The following ABTB3 variants were observed in gnomAD, a reference collection of about 807,000 sequenced individuals.
The protein encoded by ABTB3 is ankyrin repeat and BTB domain containing 3, also known as ankyrin repeat- and BTB/POZ domain-containing protein 3.
the ABTB3 span, among the ~76,000 whole-genome samples, chr12:107,574,477 C>A: frequency 1.2e-4 from 18 of 152,302 alleles, no homozygotes; most frequent in South Asian, 3.7e-3. Context: ...AATCCCAGCT[C>A]TTTGGGAGGC....
chr12:107,571,146 G>A, the ABTB3 span, among the ~76,000 whole-genome samples: 1 of 152,106 alleles, frequency 6.6e-6, no homozygotes, highest in African/African-American at 2.4e-5. Flanking sequence ...ACCCTCAATA[G>A]TAGCTAAGTT....
chr12:107,482,957 TTTC>T, the ABTB3 span, among the ~76,000 whole-genome samples: 1 of 60,582 alleles, frequency 1.7e-5, no homozygotes, highest in African/African-American at 6.7e-5. Context: ...TCTTTCTTTC[TTTC>T]TTTCTTTCTT....
At chr12:107,405,470 T>C in the ABTB3 span, among the ~76,000 whole-genome samples, 2 of 151,902 alleles carry the variant, frequency 1.3e-5, no homozygotes, top group Non-Finnish European at 2.9e-5. Flanking sequence ...TACCCACATC[T>C]CCTTTCTATA....
the ABTB3 span, among the ~76,000 whole-genome samples, chr12:107,406,153 C>T: frequency 2.7e-3 from 416 of 152,290 alleles, 2 homozygotes; most frequent in Non-Finnish European, 4.5e-3. Flanking sequence ...TGTGATAGTA[C>T]CTGTCCCATG....
chr12:107,502,216 C>T, the ABTB3 span, among the ~76,000 whole-genome samples: 18 of 152,024 alleles, frequency 1.2e-4, no homozygotes, highest in African/African-American at 3.1e-4. Flanking sequence ...AGGTGCATGC[C>T]GCCTTGCCTG....
the ABTB3 span, among the ~76,000 whole-genome samples, chr12:107,380,201 G>T: frequency 6.6e-6 from 1 of 152,186 alleles, no homozygotes; most frequent in Non-Finnish European, 1.5e-5. Flanking sequence ...CTGGCCTGCT[G>T]CTTTGCGTTT....
the ABTB3 span, among the ~76,000 whole-genome samples, chr12:107,636,441 TG>T: frequency 6.6e-6 from 1 of 152,206 alleles, no homozygotes; most frequent in African/African-American, 2.4e-5. Context: ...CTAAGAAAAT[TG>T]AAGGACATCT....
chr12:107,574,267 G>T, the ABTB3 span, among the ~76,000 whole-genome samples: 1 of 152,114 alleles, frequency 6.6e-6, no homozygotes, highest in Non-Finnish European at 1.5e-5. Context: ...CTATTCCATT[G>T]TCTCCTGGAC....
chr12:107,617,286 T>C, the ABTB3 span: 4 of 1,614,106 alleles, frequency 2.5e-6, no homozygotes, highest in Non-Finnish European at 3.4e-6. Flanking sequence ...AAAACCCCCT[T>C]CTCTGGGCTT....
At chr12:107,345,267 GT>G in the ABTB3 span, among the ~76,000 whole-genome samples, 27 of 152,158 alleles carry the variant, frequency 1.8e-4, no homozygotes, top group Non-Finnish European at 4.4e-5. Context: ...TTACAAATAA[GT>G]AGACACCTTG....
At chr12:107,561,646 A>G in the ABTB3 span, among the ~76,000 whole-genome samples, 4 of 152,202 alleles carry the variant, frequency 2.6e-5, no homozygotes, top group South Asian at 8.3e-4. Context: ...TGTCCTCCAT[A>G]AAACTCAACA....
At chr12:107,363,855 T>C in the ABTB3 span, among the ~76,000 whole-genome samples, 2 of 152,240 alleles carry the variant, frequency 1.3e-5, no homozygotes, top group African/African-American at 2.4e-5. Context: ...TACAGGATAC[T>C]GATTAAGAGT....
chr12:107,606,741 A>G, the ABTB3 span, among the ~76,000 whole-genome samples: 2 of 152,204 alleles, frequency 1.3e-5, no homozygotes, highest in Non-Finnish European at 2.9e-5. Flanking sequence ...AGCCTCTTCC[A>G]GAATTGGATA....
At chr12:107,365,509 G>T in the ABTB3 span, among the ~76,000 whole-genome samples, 5 of 152,060 alleles carry the variant, frequency 3.3e-5, no homozygotes, top group Admixed American at 1.3e-4. Flanking sequence ...TAGATTATTT[G>T]GGTATCTTCT....
chr12:107,340,399 G>A, the ABTB3 span, among the ~76,000 whole-genome samples: 2 of 152,214 alleles, frequency 1.3e-5, no homozygotes, highest in Admixed American at 1.3e-4. Flanking sequence ...CTCACACTGT[G>A]CAGGGCTATG....
chr12:107,474,157 C>T, the ABTB3 span, among the ~76,000 whole-genome samples: 2 of 152,140 alleles, frequency 1.3e-5, no homozygotes, highest in South Asian at 2.1e-4. Context: ...TTGGTGACTG[C>T]GCCCAGTCCT....
At chr12:107,339,363 G>C in the ABTB3 span, among the ~76,000 whole-genome samples, 1 of 152,154 alleles carries the variant, frequency 6.6e-6, no homozygotes, top group African/African-American at 2.4e-5. Flanking sequence ...GAAAAGATGA[G>C]GACTGCCCGG....
chr12:107,588,047 G>A, the ABTB3 span, among the ~76,000 whole-genome samples: 3 of 152,168 alleles, frequency 2.0e-5, no homozygotes, highest in African/African-American at 7.2e-5. Context: ...GGTGGCTGCA[G>A]GCATTCCTTG....
the ABTB3 span, among the ~76,000 whole-genome samples, chr12:107,410,517 T>C: frequency 3.3e-5 from 5 of 152,178 alleles, no homozygotes; most frequent in African/African-American, 1.2e-4. Flanking sequence ...GGATTCTGAC[T>C]TGGTGAAGGG....
Sources: allele counts gnomAD v4.1 joint callset (sites outside exome capture counted in the v4.1 genomes callset), GRCh38; gene constraint gnomAD v4.1.1; transcripts MANE v1.5; gene names NCBI Gene and HGNC (gene_info 2026-07-23, HGNC 2026-07-21).